STX2: variants seen among roughly 807,000 people sequenced by gnomAD.
STX2 encodes syntaxin-2.
Under a neutral mutation model 40.6 loss-of-function variants are expected in STX2, and 27 were observed. The observed-to-expected ratio is 0.66, with a 90% CI of 0.49 to 0.92. The LOEUF (loss-of-function observed/expected upper bound fraction) is 0.92, where lower values mean the gene tolerates loss of function less well. Among genes scored for constraint, STX2 ranks in the 40% least tolerant of loss-of-function variants. STX2 has a pLI of 0.00. For missense variants in STX2, 328 were observed against 366.1 expected (o/e 0.90, Z 0.85); for synonymous variants, 123 against 119.1 (o/e 1.03, Z -0.22).
intron 10 of STX2, 143 bp downstream of exon 10, chr12:130,795,852 C>T: frequency 2.0e-6 from 2 of 1,016,614 alleles, no homozygotes; most frequent in Non-Finnish European, 2.7e-6. Context: ...AATCAGCACA[C>T]AGGCAGATGT....
intron 1 of STX2, among the ~76,000 whole-genome samples, chr12:130,835,074 A>G (rs1163595427): frequency 6.6e-6 from 1 of 152,254 alleles, no homozygotes; most frequent in Non-Finnish European, 1.5e-5. Flanking sequence ...AGATTGCTTG[A>G]GCTCAAGAGT....
At chr12:130,792,342 A>T (rs557267488) in intron 10 of STX2, among the ~76,000 whole-genome samples, 15 of 152,352 alleles carry the variant, frequency 9.8e-5, no homozygotes, top group African/African-American at 3.4e-4. Flanking sequence ...TACAGGCGTG[A>T]GGCACCAGGC....
chr12:130,814,175 C>T (rs1048232722), intron 3 of STX2, among the ~76,000 whole-genome samples: 1 of 151,860 alleles, frequency 6.6e-6, no homozygotes, highest in African/African-American at 2.4e-5. Context: ...AGGTCACGCA[C>T]CAGTGACACC....
chr12:130,794,445 A>C (rs1041675699), intron 10 of STX2, among the ~76,000 whole-genome samples: 2 of 152,174 alleles, frequency 1.3e-5, no homozygotes, highest in African/African-American at 4.8e-5. Flanking sequence ...GACTAACTGG[A>C]AAACTTCTCA....
intron 1 of STX2, among the ~76,000 whole-genome samples, chr12:130,829,646 G>A (rs961760029): frequency 6.6e-6 from 1 of 152,262 alleles, no homozygotes; most frequent in East Asian, 1.9e-4. Context: ...CTCCCTCCCT[G>A]TCTCCAAGTG....
intron 6 of STX2, among the ~76,000 whole-genome samples, chr12:130,805,496 G>C (rs954693718): frequency 6.6e-6 from 1 of 152,162 alleles, no homozygotes; most frequent in African/African-American, 2.4e-5. Flanking sequence ...TGAGAGATGA[G>C]AGAGATGCAG....
At chr12:130,814,047 A>C (rs1378337344) in intron 3 of STX2, among the ~76,000 whole-genome samples, 1 of 152,126 alleles carries the variant, frequency 6.6e-6, no homozygotes, top group African/African-American at 2.4e-5. Context: ...CCGAGTACCC[A>C]CTGCACACAA....
intron 1 of STX2, among the ~76,000 whole-genome samples, chr12:130,835,656 G>A (rs889894076): frequency 6.6e-5 from 10 of 152,152 alleles, no homozygotes; most frequent in Middle Eastern, 3.4e-3. Flanking sequence ...CCCCACCCAC[G>A]CTCAGTTCAC....
At chr12:130,795,026 G>A (rs1950985926) in intron 10 of STX2, among the ~76,000 whole-genome samples, 1 of 152,148 alleles carries the variant, frequency 6.6e-6, no homozygotes, top group Non-Finnish European at 1.5e-5. Context: ...AGAAAACCAG[G>A]GGGAAACCAC....
intron 2 of STX2, among the ~76,000 whole-genome samples, chr12:130,823,232 G>A (rs1246619459): frequency 6.6e-6 from 1 of 152,096 alleles, no homozygotes; most frequent in Non-Finnish European, 1.5e-5. Flanking sequence ...AGATCACTTG[G>A]GCCCAGGAAG....
At chr12:130,829,491 G>A (rs564080898) in intron 1 of STX2, among the ~76,000 whole-genome samples, 2 of 148,376 alleles carry the variant, frequency 1.3e-5, no homozygotes, top group East Asian at 4.2e-4. Context: ...ATGGGATGCG[G>A]GGAGGAGCTG....
Position 130,796,514 on chromosome 12 carries a change from A to C in STX2, c.787-394T>G, listed in dbSNP as rs117308120. Among the ~76,000 whole-genome samples the C allele has an allele frequency of 8.5e-5, 13 of 152,234 alleles. No individual in the cohort carries two copies. The East Asian group carries it at 1.9e-3, about 23-fold the overall frequency. On this transcript the variant is annotated intron_variant, in intron 9 of 10. Coordinates refer to ENST00000392373, the MANE Select transcript of STX2 (RefSeq NM_194356.4). ...AAAATAAAATAAAATAAAGCAAAAC[A>C]ACCCATCAGAACTCACTTTAGAAGC...
intron 1 of STX2, among the ~76,000 whole-genome samples, chr12:130,835,815 T>C (rs967659567): frequency 4.6e-5 from 7 of 152,188 alleles, no homozygotes; most frequent in African/African-American, 1.7e-4. Flanking sequence ...ACGCAAACTT[T>C]CTATGCCCAA....
chr12:130,794,825 T>C (rs935145832), intron 10 of STX2, among the ~76,000 whole-genome samples: 5 of 152,222 alleles, frequency 3.3e-5, no homozygotes, highest in African/African-American at 1.2e-4. Flanking sequence ...AAGTCTGCAG[T>C]CACTTCCATA....
chr12:130,837,180 A>G (rs1343240736), intron 1 of STX2, among the ~76,000 whole-genome samples: 2 of 150,032 alleles, frequency 1.3e-5, no homozygotes, highest in Non-Finnish European at 2.9e-5. Context: ...TGGCACAATC[A>G]TGGCTCACTG....
intron 6 of STX2, among the ~76,000 whole-genome samples, chr12:130,805,849 G>A (rs1176854937): frequency 6.6e-6 from 1 of 152,114 alleles, no homozygotes; most frequent in Non-Finnish European, 1.5e-5. Context: ...TACCAGGCTC[G>A]CAAAGAAGCA....
intron 1 of STX2, 79 bp downstream of exon 1, chr12:130,838,991 C>CCAA: frequency 9.5e-6 from 11 of 1,153,914 alleles, no homozygotes; most frequent in Non-Finnish European, 1.2e-5. Flanking sequence ...GAGCCCCGCC[C>CCAA]AAGACGCCCC....
At chr12:130,834,858 A>C (rs1952703637) in intron 1 of STX2, among the ~76,000 whole-genome samples, 1 of 152,242 alleles carries the variant, frequency 6.6e-6, no homozygotes. Flanking sequence ...AGTTCCAGTG[A>C]AGTTTTTTAA....
chr12:130,794,054 G>C (rs1950955803), intron 10 of STX2, among the ~76,000 whole-genome samples: 3 of 152,170 alleles, frequency 2.0e-5, no homozygotes, highest in Non-Finnish European at 2.9e-5. Context: ...TTAATGCCAA[G>C]TAGTGCCCAT....
Sources: allele counts gnomAD v4.1 joint callset (sites outside exome capture counted in the v4.1 genomes callset), GRCh38; gene constraint gnomAD v4.1.1; transcripts MANE v1.5; gene names NCBI Gene and HGNC (gene_info 2026-07-23, HGNC 2026-07-21).